XKR9: variants seen among roughly 807,000 people sequenced by gnomAD.
XKR9 encodes the protein XK-related protein 9.
Under a neutral mutation model 32.0 loss-of-function variants are expected in XKR9, and 32 were observed. The observed-to-expected ratio is 1.00, with a 90% CI of 0.76 to 1.34. The LOEUF is 1.34. XKR9 is among the 40% of genes most tolerant of loss of function. The pLI, the probability that XKR9 is intolerant of heterozygous loss-of-function variation, is 0.00. For missense variants in XKR9, 546 were observed against 429.7 expected (o/e 1.27, Z -2.39); for synonymous variants, 168 against 143.4 (o/e 1.17, Z -1.22).
At chr8:70,676,649 A>C (rs1818898645) in intron 2 of XKR9, among the ~76,000 whole-genome samples, 1 of 152,154 alleles carries the variant, frequency 6.6e-6, no homozygotes, top group African/African-American at 2.4e-5. Context: ...ATTGCATCTA[A>C]TGTTCTGCCA....
intron 2 of XKR9, among the ~76,000 whole-genome samples, chr8:70,762,512 T>G (rs1403854825): frequency 2.0e-5 from 3 of 152,172 alleles, no homozygotes; most frequent in African/African-American, 7.2e-5. Flanking sequence ...TGTCTGCTCC[T>G]TATGAGAATC....
At chr8:70,800,624 T>C in the XKR9 span, among the ~76,000 whole-genome samples, 2 of 152,134 alleles carry the variant, frequency 1.3e-5, no homozygotes, top group Non-Finnish European at 1.5e-5. Flanking sequence ...TAGGTGGGAT[T>C]ACAGCCAACT....
chr8:70,958,108 G>C, the XKR9 span, among the ~76,000 whole-genome samples: 1 of 152,130 alleles, frequency 6.6e-6, no homozygotes, highest in Non-Finnish European at 1.5e-5. Flanking sequence ...TCATTGATGG[G>C]CATTTAGGTT....
At chr8:70,996,634 G>A in the XKR9 span, among the ~76,000 whole-genome samples, 552 of 152,280 alleles carry the variant, frequency 3.6e-3, 4 homozygotes, top group African/African-American at 0.013. Flanking sequence ...AATTGGATAT[G>A]CCATCATAAC....
chr8:70,800,169 A>G, the XKR9 span, among the ~76,000 whole-genome samples: 1 of 152,150 alleles, frequency 6.6e-6, no homozygotes, highest in Non-Finnish European at 1.5e-5. Context: ...ACATTTATTG[A>G]TTTACATATG....
chr8:70,875,832 C>T, the XKR9 span, among the ~76,000 whole-genome samples: 2 of 151,912 alleles, frequency 1.3e-5, no homozygotes, highest in African/African-American at 4.8e-5. Flanking sequence ...ATGAGATAGT[C>T]AAGATTTAGA....
chr8:71,032,089 T>G, the XKR9 span, among the ~76,000 whole-genome samples: 1 of 151,564 alleles, frequency 6.6e-6, no homozygotes, highest in Non-Finnish European at 1.5e-5. Flanking sequence ...AGGTCAGGAG[T>G]TCAAGACCAG....
the XKR9 span, among the ~76,000 whole-genome samples, chr8:71,030,195 A>G: frequency 6.6e-6 from 1 of 152,280 alleles, no homozygotes; most frequent in East Asian, 1.9e-4. Flanking sequence ...ATACACTGAT[A>G]AAGAAAAATG....
chr8:71,045,048 G>A, the XKR9 span, among the ~76,000 whole-genome samples: 10 of 152,304 alleles, frequency 6.6e-5, no homozygotes, highest in East Asian at 7.7e-4. Flanking sequence ...CTGAATTTTC[G>A]TGTATATGTG....
chr8:70,711,383 A>G (rs1208427084), intron 4 of XKR9, among the ~76,000 whole-genome samples: 1 of 152,220 alleles, frequency 6.6e-6, no homozygotes, highest in African/African-American at 2.4e-5. Flanking sequence ...CTAGATGTCA[A>G]TCAGTTGTGA....
chr8:70,704,477 T>C (rs1805650873), intron 3 of XKR9, among the ~76,000 whole-genome samples: 1 of 152,210 alleles, frequency 6.6e-6, no homozygotes, highest in African/African-American at 2.4e-5. Context: ...TTAACTCATT[T>C]AATTCTCACA....
At chr8:70,900,437 A>G in the XKR9 span, among the ~76,000 whole-genome samples, 1 of 152,024 alleles carries the variant, frequency 6.6e-6, no homozygotes, top group Admixed American at 6.6e-5. Flanking sequence ...TAAAAATACA[A>G]AATTAGCCAG....
At chr8:70,877,106 C>T in the XKR9 span, among the ~76,000 whole-genome samples, 15 of 152,202 alleles carry the variant, frequency 9.9e-5, no homozygotes, top group Middle Eastern at 3.4e-3. Context: ...TGGCAGAAGG[C>T]ACCTCTTCAC....
chr8:70,736,341 G>A (rs36196590), downstream of XKR9, among the ~76,000 whole-genome samples: 43,902 of 151,026 alleles, frequency 0.29, 8,311 homozygotes, highest in Non-Finnish European at 0.42. Flanking sequence ...AAATTTGTTT[G>A]AGTTCATTGT....
At chr8:70,992,364 CAG>C in the XKR9 span, among the ~76,000 whole-genome samples, 1 of 152,114 alleles carries the variant, frequency 6.6e-6, no homozygotes, top group Non-Finnish European at 1.5e-5. Flanking sequence ...ACTAGATACT[CAG>C]AAAGTACCTG....
chr8:70,901,235 C>T, the XKR9 span, among the ~76,000 whole-genome samples: 2 of 152,222 alleles, frequency 1.3e-5, no homozygotes, highest in Middle Eastern at 3.2e-3. Flanking sequence ...AATCGCCACA[C>T]TGTCTTCCAC....
At chr8:70,736,386 G>A (rs570682401), downstream of XKR9, among the ~76,000 whole-genome samples, 60 of 152,114 alleles carry the variant, frequency 3.9e-4, no homozygotes, top group African/African-American at 1.4e-3. Context: ...CAGATGAGTA[G>A]GTTGCGAACA....
At chr8:71,020,047 CAT>C in the XKR9 span, among the ~76,000 whole-genome samples, 2 of 152,202 alleles carry the variant, frequency 1.3e-5, no homozygotes, top group African/African-American at 2.4e-5. Flanking sequence ...GAATGCCAAA[CAT>C]GTGCCACTAT....
the XKR9 span, among the ~76,000 whole-genome samples, chr8:70,875,120 C>T: frequency 6.6e-6 from 1 of 152,162 alleles, no homozygotes; most frequent in Non-Finnish European, 1.5e-5. Context: ...GGAGGTCCTA[C>T]TTGTTCTCTG....
Sources: gnomAD v4.1 joint callset for allele counts (sites outside exome capture counted in the v4.1 genomes callset) on GRCh38, gnomAD v4.1.1 for gene constraint, MANE v1.5 for transcripts, NCBI Gene and HGNC (gene_info 2026-07-23, HGNC 2026-07-21) for gene names.